Variants in SYBU observed in about 807,000 individuals in gnomAD.
SYBU encodes the protein syntabulin.
In SYBU, 21 loss-of-function variants were observed where a neutral mutation model predicts 35.9. The observed-to-expected ratio is 0.58, with a 90% CI of 0.41 to 0.84. The LOEUF (loss-of-function observed/expected upper bound fraction) is 0.84. Among genes scored for constraint, SYBU ranks in the 40% least tolerant of loss-of-function variants. SYBU has a pLI of 0.00. For synonymous variants in SYBU, 319 were observed against 324.3 expected, an observed-to-expected ratio of 0.98 and a Z score of 0.18; for missense variants, 768 against 848.2, an observed-to-expected ratio of 0.91 and a Z score of 1.17.
upstream of SYBU, among the ~76,000 whole-genome samples, chr8:109,681,415 AT>A (rs1390582924): frequency 5.3e-5 from 8 of 152,370 alleles, no homozygotes; most frequent in South Asian, 1.7e-3. Flanking sequence ...AACATGATAT[AT>A]TTTAAAGTAT....
upstream of SYBU, chr8:109,647,471 A>G (rs1815824260): frequency 6.6e-6 from 1 of 151,860 alleles, no homozygotes; most frequent in African/African-American, 2.4e-5. Flanking sequence ...CAGGACACTT[A>G]TTTTTACCCC....
rs1349136859 is a variant in SYBU at position 109,663,296 on chromosome 8, GA to G, written c.-129+17414del. On this transcript the variant is annotated intron_variant, in intron 1 of 5. Coordinates refer to the SYBU transcript ENST00000408889. ...AGATAGATAGATAGATAGATAGATA[GA>G]TAGGTAGATAGATACCAATAGAATA... Among the ~76,000 whole-genome samples, 37 of 150,756 alleles carry G rather than the reference GA, an allele frequency of 2.5e-4. No individual in the cohort carries two copies. The East Asian group carries it at 6.4e-3, about 26-fold the overall frequency.
At chr8:109,684,213 A>G (rs1200617766), upstream of SYBU, among the ~76,000 whole-genome samples, 3 of 152,226 alleles carry the variant, frequency 2.0e-5, no homozygotes, top group Non-Finnish European at 4.4e-5. Context: ...GTTAACTTTC[A>G]TTTTTAAGTT....
intron 1 of SYBU, among the ~76,000 whole-genome samples, chr8:109,651,690 C>T (rs72669145): frequency 0.047 from 7,115 of 152,048 alleles, 178 homozygotes; most frequent in Admixed American, 0.077. Context: ...TAAGAACAGA[C>T]GCAAAGCCTA....
intron 1 of SYBU, among the ~76,000 whole-genome samples, chr8:109,657,885 C>T (rs1358745545): frequency 1.3e-5 from 2 of 152,206 alleles, no homozygotes; most frequent in Non-Finnish European, 2.9e-5. Context: ...ATTTCAAACA[C>T]TGGGATGCAT....
Position 109,577,934 on chromosome 8 carries a change from T to A in SYBU, c.818A>T (p.Gln273Leu). Residue 273 changes from glutamine (Q) to leucine (L), a missense_variant, in exon 6 of 7, where the codon CAG becomes CTG. Transcript: ENST00000276646. ...GAGGTGTCTCACTGTCACCTCTTTCTGCTGCAGTGGAGTCAAATACTGCTC... is the reference window on the plus strand; with the variant it reads ...GAGGTGTCTCACTGTCACCTCTTTCAGCTGCAGTGGAGTCAAATACTGCTC... ...NPEQYLTPLQQKEVTVRHLKT... is the reference protein window; with the variant it reads ...NPEQYLTPLQLKEVTVRHLKT... 6.2e-7 allele frequency: 1 copy of A among 1,614,034 alleles called. No homozygotes were observed. Among genetic ancestry groups the A allele is most frequent in the Non-Finnish European group, 8.5e-7 (1 of 1,179,936 alleles).
upstream of SYBU, among the ~76,000 whole-genome samples, chr8:109,685,767 C>G (rs775033548): frequency 5.3e-5 from 8 of 152,024 alleles, no homozygotes; most frequent in Non-Finnish European, 1.2e-4. Flanking sequence ...TTTGAGGAGG[C>G]ATAATTTTTA....
chr8:109,679,075 T>G (rs1018727012), intron 1 of SYBU, among the ~76,000 whole-genome samples: 1 of 152,182 alleles, frequency 6.6e-6, no homozygotes, highest in Non-Finnish European at 1.5e-5. Context: ...AAGATGGCCA[T>G]GAAAGTGACT....
At position 109,603,391 on chromosome 8, in the gene SYBU, G is replaced by A. The variant is rs919801348; in HGVS notation, c.427+15451C>T. The A allele has an allele frequency of 1.4e-5, 14 of 984,936 alleles. No homozygotes were observed. In the African/African-American group the frequency reaches 1.9e-4, roughly 14 times the overall value. 61.0% of individuals were successfully genotyped at this position (984,936 alleles called of 1,614,324 possible). ...TTGCTCTGCTCACAAATTATGCTCT[G>A]CATTTCCTTGGACTCCTTTAGTGGA... is the stretch of plus-strand genomic sequence containing the variant. On this transcript the variant is annotated intron_variant, in intron 3 of 6. Transcript: ENST00000276646.
intron 3 of SYBU, among the ~76,000 whole-genome samples, chr8:109,598,996 A>T (rs1450426448): frequency 2.0e-5 from 3 of 152,236 alleles, no homozygotes; most frequent in Non-Finnish European, 4.4e-5. Context: ...AAACACCAGG[A>T]AAGTATACCT....
intron 1 of SYBU, among the ~76,000 whole-genome samples, chr8:109,670,540 C>T (rs1368021697): frequency 6.6e-6 from 1 of 151,904 alleles, no homozygotes; most frequent in Non-Finnish European, 1.5e-5. Flanking sequence ...TACCTCCTGA[C>T]CTTTACTGTG....
At chr8:109,640,233 A>G (rs1169778185) in intron 2 of SYBU, among the ~76,000 whole-genome samples, 1 of 152,208 alleles carries the variant, frequency 6.6e-6, no homozygotes, top group Non-Finnish European at 1.5e-5. Context: ...AGCCAGAGAC[A>G]GGTCTCCTAG....
upstream of SYBU, among the ~76,000 whole-genome samples, chr8:109,681,808 A>C (rs1472532394): frequency 6.6e-6 from 1 of 152,288 alleles, no homozygotes; most frequent in South Asian, 2.1e-4. Context: ...TGTAGTTCCC[A>C]TAAACTGCAC....
chr8:109,624,862 T>C (rs527938956), intron 2 of SYBU, among the ~76,000 whole-genome samples: 1 of 152,334 alleles, frequency 6.6e-6, no homozygotes, highest in African/African-American at 2.4e-5. Context: ...CCCAATCCTT[T>C]ATATATTGTC....
chr8:109,604,786 C>T (rs137962813), intron 3 of SYBU, among the ~76,000 whole-genome samples: 178 of 152,280 alleles, frequency 1.2e-3, no homozygotes, highest in African/African-American at 4.1e-3. Context: ...CTTCCTCTAA[C>T]GATGAGGGAA....
chr8:109,654,518 C>T (rs1477836527), intron 1 of SYBU, among the ~76,000 whole-genome samples: 2 of 152,230 alleles, frequency 1.3e-5, no homozygotes, highest in Non-Finnish European at 2.9e-5. Flanking sequence ...CTTTCAAGCC[C>T]TCACCCTTTT....
At chr8:109,623,514 T>G (rs764070393) in intron 2 of SYBU, among the ~76,000 whole-genome samples, 4 of 152,202 alleles carry the variant, frequency 2.6e-5, no homozygotes, top group Non-Finnish European at 4.4e-5. Flanking sequence ...CAGATTGTCA[T>G]CAAGAAAATA....
intron 1 of SYBU, among the ~76,000 whole-genome samples, chr8:109,671,070 A>T (rs1816962440): frequency 6.6e-6 from 1 of 152,202 alleles, no homozygotes; most frequent in Admixed American, 6.5e-5. Flanking sequence ...TTTCTAATTT[A>T]TAGCATAGTA....
intron 1 of SYBU, among the ~76,000 whole-genome samples, chr8:109,688,950 C>T (rs1245568228): frequency 1.3e-5 from 2 of 152,084 alleles, no homozygotes; most frequent in Non-Finnish European, 2.9e-5. Flanking sequence ...TTAGTTACAT[C>T]TTAACGGTGT....
Sources: allele counts gnomAD v4.1 joint callset (sites outside exome capture counted in the v4.1 genomes callset), GRCh38; gene constraint gnomAD v4.1.1; transcripts MANE v1.5; gene names NCBI Gene and HGNC (gene_info 2026-07-23, HGNC 2026-07-21).